The following CTCF variants were observed in gnomAD, a reference collection of about 807,000 sequenced individuals.
The protein encoded by CTCF is transcriptional repressor CTCF.
Under a neutral mutation model 72.3 loss-of-function variants are expected in CTCF, and 7 were observed. The observed-to-expected ratio is 0.10, with a 90% confidence interval of 0.06 to 0.18. CTCF has a LOEUF of 0.18. Among genes scored for constraint, CTCF ranks in the 10% least tolerant of loss-of-function variants. The pLI is 1.00. For missense variants in CTCF, 516 were observed against 949.1 expected (o/e 0.54, Z 6.00); for synonymous variants, 374 against 315.8 (o/e 1.18, Z -1.95).
At chr16:67,563,451 G>A (rs2051304883) in intron 1 of CTCF, 1 of 152,276 alleles carries the variant, frequency 6.6e-6, no homozygotes, top group African/African-American at 2.4e-5. Flanking sequence ...AGCTCCCTCT[G>A]CAAGGCTGGC....
intron 2 of CTCF, among the ~76,000 whole-genome samples, chr16:67,576,201 T>A (rs2051494387): frequency 7.0e-6 from 1 of 142,668 alleles, no homozygotes. Context: ...ATGAGAGAGG[T>A]TTTTTAATAG....
At chr16:67,604,324 T>C (rs1369906166) in intron 2 of CTCF, among the ~76,000 whole-genome samples, 1 of 151,846 alleles carries the variant, frequency 6.6e-6, no homozygotes, top group Admixed American at 6.6e-5. Context: ...TAACAATTTT[T>C]TTTGTTAGTT....
At chr16:67,584,109 T>C (rs1021153639) in intron 2 of CTCF, among the ~76,000 whole-genome samples, 2 of 151,694 alleles carry the variant, frequency 1.3e-5, no homozygotes, top group Non-Finnish European at 2.9e-5. Flanking sequence ...CAGTGGCTCA[T>C]GCCTGTAATC....
intron 1 of CTCF, among the ~76,000 whole-genome samples, chr16:67,566,039 AT>A (rs1199601183): frequency 6.6e-6 from 1 of 152,116 alleles, no homozygotes; most frequent in African/African-American, 2.4e-5. Flanking sequence ...ACTCCACCTA[AT>A]TTTTTTAAAC....
intron 8 of CTCF, chr16:67,627,365 C>CG (rs1230495827): frequency 6.6e-6 from 1 of 152,128 alleles, no homozygotes; most frequent in Non-Finnish European, 1.5e-5. Flanking sequence ...TGGTGATAGA[C>CG]GCCTGTAATC....
chr16:67,563,154 C>G (rs1447658657), intron 1 of CTCF: 8 of 152,256 alleles, frequency 5.3e-5, no homozygotes, highest in African/African-American at 1.7e-4. Flanking sequence ...CGCGTCCCGG[C>G]TTCGGCGCCC....
intron 2 of CTCF, among the ~76,000 whole-genome samples, chr16:67,573,860 A>G (rs1262648915): frequency 1.3e-5 from 2 of 152,024 alleles, no homozygotes; most frequent in Non-Finnish European, 2.9e-5. Flanking sequence ...GTGAAATCCC[A>G]TCTCTACTAA....
intron 7 of CTCF, 69 bp downstream of exon 7, chr16:67,621,660 C>G: frequency 8.8e-7 from 1 of 1,132,800 alleles, no homozygotes; most frequent in East Asian, 2.8e-5. Flanking sequence ...ATATGGGGAT[C>G]AAAAATAACT....
chr16:67,574,506 T>A (rs911074961), intron 2 of CTCF, among the ~76,000 whole-genome samples: 2 of 151,784 alleles, frequency 1.3e-5, no homozygotes, highest in East Asian at 3.9e-4. Flanking sequence ...CACGCCTGGC[T>A]AATTTTGGTA....
intron 10 of CTCF, among the ~76,000 whole-genome samples, chr16:67,634,232 A>G (rs1443966217): frequency 6.6e-6 from 1 of 152,062 alleles, no homozygotes; most frequent in African/African-American, 2.4e-5. Flanking sequence ...TTCCCAGACA[A>G]AGTCTTACTC....
intron 2 of CTCF, among the ~76,000 whole-genome samples, chr16:67,590,185 T>C (rs1238642252): frequency 6.6e-6 from 1 of 152,044 alleles, no homozygotes; most frequent in East Asian, 1.9e-4. Flanking sequence ...GAAAGAATTA[T>C]TGTCTAGCCT....
chr16:67,636,187 C>G (rs1008351459), intron 10 of CTCF, among the ~76,000 whole-genome samples: 21 of 152,226 alleles, frequency 1.4e-4, no homozygotes, highest in African/African-American at 4.8e-4. Context: ...ACCAGCCTGA[C>G]CAATATGGTG....
Position 67,584,206 on chromosome 16 carries a change from C to T in CTCF, c.-10+12942C>T, listed in dbSNP as rs544329313. 2.0e-5 allele frequency among the ~76,000 whole-genome samples: 3 copies of T among 151,872 alleles called. No individual in the cohort carries two copies. The East Asian group carries it at 5.9e-4, about 30-fold the overall frequency. On this transcript the variant is annotated intron_variant, in intron 2 of 11. Coordinates refer to ENST00000264010, the MANE Select transcript of CTCF (RefSeq NM_006565.4). The stretch of plus-strand genomic sequence containing the variant: ...GCATGGTGGTGGGCACCTGTAATCC[C>T]AGCTACTCGGGAGACTGAAGCAGGA...
chr16:67,574,889 C>T (rs1597679874), intron 2 of CTCF, among the ~76,000 whole-genome samples: 1 of 144,208 alleles, frequency 6.9e-6, no homozygotes, highest in East Asian at 2.1e-4. Context: ...GATCTCCTGA[C>T]CTCTTGATCT....
chr16:67,606,556 C>CACAAGATTTTTGTTTGTTTTTTATTTTT, intron 2 of CTCF, among the ~76,000 whole-genome samples: 1 of 151,740 alleles, frequency 6.6e-6, no homozygotes, highest in Non-Finnish European at 1.5e-5. Flanking sequence ...TAATGTCATT[C>CACAAGATTTTTGTTTGTTTTTTATTTTT]TCTCTGTAGT....
intron 2 of CTCF, among the ~76,000 whole-genome samples, chr16:67,603,514 CAG>C (rs34526355): frequency 0.021 from 3,082 of 150,044 alleles, 41 homozygotes; most frequent in Middle Eastern, 0.047. Context: ...GCCTGGGCGA[CAG>C]AGGGAGACTC....
At chr16:67,575,074 AG>A (rs1000370142) in intron 2 of CTCF, among the ~76,000 whole-genome samples, 1 of 152,166 alleles carries the variant, frequency 6.6e-6, no homozygotes, top group Admixed American at 6.6e-5. Flanking sequence ...TTGTGGATAG[AG>A]GAAAAAAAAA....
At chr16:67,626,470 A>T (rs1224715598) in intron 7 of CTCF, 85 bp from the exon 8 acceptor site, 7 of 1,039,376 alleles carry the variant, frequency 6.7e-6, no homozygotes, top group East Asian at 5.9e-5. Context: ...AAAAAAAAAA[A>T]AAAGAATCGA....
intron 2 of CTCF, among the ~76,000 whole-genome samples, chr16:67,573,266 C>A (rs940157651): frequency 3.3e-5 from 5 of 149,756 alleles, no homozygotes; most frequent in Non-Finnish European, 1.5e-5. Flanking sequence ...ACAAAAAAAA[C>A]CCCAAGAAGA....
Sources: allele counts gnomAD v4.1 joint callset (sites outside exome capture counted in the v4.1 genomes callset), GRCh38; gene constraint gnomAD v4.1.1; transcripts MANE v1.5; gene names NCBI Gene and HGNC (gene_info 2026-07-23, HGNC 2026-07-21).